CAV1: variants seen among roughly 807,000 people sequenced by gnomAD.
CAV1 encodes caveolin 1.
CAV1 carries 10 observed loss-of-function variants against 16.5 expected under a neutral mutation model. The ratio of observed to expected loss-of-function variants is 0.61; its 90% CI spans 0.37 to 1.03. The LOEUF is 1.03. Ranked by LOEUF, CAV1 falls within the 50% of genes least tolerant of loss-of-function variation. The pLI is 0.01. For missense variants in CAV1, 212 were observed against 232.8 expected (o/e 0.91, Z 0.58); for synonymous variants, 76 against 85.1 (o/e 0.89, Z 0.59).
chr7:116,555,560 GAAA>G lies in CAV1; in HGVS notation c.196-3385_196-3383del, dbSNP rs1562838458. 1.3e-3 allele frequency among the ~76,000 whole-genome samples: 62 copies of G among 46,068 alleles called. 2 individuals carry two copies. Among genetic ancestry groups the G allele is most frequent in the African/African-American group, 5.2e-3 (60 of 11,600 alleles). The allele number at this position is 46,068 out of a possible 152,430, so 30.2% of individuals were successfully genotyped here. On this transcript the variant is annotated intron_variant, in intron 2 of 2. Coordinates refer to ENST00000341049, the MANE Select transcript of CAV1 (RefSeq NM_001753.5). Reference sequence around the variant, plus strand: ...AGAGAGAGAGAAAGAAAGAAAGAAAGAAAGAAAGAAAGAAAGAAAGAAAGAAAG... The same window carrying G: ...AGAGAGAGAGAAAGAAAGAAAGAAAGGAAAGAAAGAAAGAAAGAAAGAAAG...
chr7:116,557,253 A>G (rs1437898496), intron 2 of CAV1, among the ~76,000 whole-genome samples: 1 of 152,228 alleles, frequency 6.6e-6, no homozygotes, highest in Non-Finnish European at 1.5e-5. Flanking sequence ...AGAATGTTCT[A>G]CAAAATAAAC....
intron 2 of CAV1, among the ~76,000 whole-genome samples, chr7:116,547,386 G>A (rs948303788): frequency 2.6e-5 from 4 of 152,128 alleles, no homozygotes; most frequent in African/African-American, 7.2e-5. Flanking sequence ...GGAGAAACCC[G>A]ATGGTTACCT....
intron 2 of CAV1, among the ~76,000 whole-genome samples, chr7:116,543,277 C>T (rs1206646037): frequency 6.6e-6 from 1 of 152,196 alleles, no homozygotes; most frequent in Non-Finnish European, 1.5e-5. Flanking sequence ...CACAAAGAGA[C>T]AGTGGAAGAC....
At chr7:116,535,836 G>A (rs1207678030) in intron 2 of CAV1, among the ~76,000 whole-genome samples, 1 of 152,128 alleles carries the variant, frequency 6.6e-6, no homozygotes, top group East Asian at 1.9e-4. Context: ...ACACAACCGA[G>A]TTTCCCTTTA....
rs753184173 is a variant in CAV1 at position 116,526,566 on chromosome 7, C to A, written c.72C>A (p.Ile24=). ...TTCCCATCCGGGAACAGGGCAACAT[C>A]TACAAGCCCAACAACAAGGCCATGG... ...YTVPIREQGN[I]YKPNNKAMAD... Residue 24 remains isoleucine (I), a synonymous_variant, in exon 2 of 3, where the codon ATC becomes ATA. Coordinates refer to ENST00000341049, the MANE Select transcript of CAV1 (RefSeq NM_001753.5). The A allele has an allele frequency of 4.3e-6, 7 of 1,614,200 alleles. No homozygotes were observed. In the Admixed American group the frequency reaches 8.3e-5, roughly 19 times the overall value.
intron 2 of CAV1, among the ~76,000 whole-genome samples, chr7:116,527,370 A>G (rs1234902284): frequency 6.6e-6 from 1 of 152,200 alleles, no homozygotes; most frequent in Non-Finnish European, 1.5e-5. Context: ...CTGCACTTAG[A>G]TGTGGAAAGC....
intron 2 of CAV1, among the ~76,000 whole-genome samples, chr7:116,540,838 A>C (rs1793920555): frequency 6.6e-6 from 1 of 152,240 alleles, no homozygotes; most frequent in Non-Finnish European, 1.5e-5. Flanking sequence ...ATACCAGGAT[A>C]GAGCTGTCAT....
intron 1 of CAV1, chr7:116,525,537 G>T: frequency 8.2e-7 from 1 of 1,225,352 alleles, no homozygotes; most frequent in Non-Finnish European, 1.0e-6. Context: ...GCCCAGACCG[G>T]CAGGTCCCGC....
intron 2 of CAV1, chr7:116,551,688 T>C (rs1438456331): frequency 6.6e-6 from 1 of 152,132 alleles, no homozygotes; most frequent in Non-Finnish European, 1.5e-5. Flanking sequence ...CAACAAACAT[T>C]GATCCTCCAC....
intron 2 of CAV1, among the ~76,000 whole-genome samples, chr7:116,550,586 C>G (rs1193515632): frequency 6.6e-6 from 1 of 152,156 alleles, no homozygotes; most frequent in African/African-American, 2.4e-5. Context: ...TTTAATTGTG[C>G]TATTTCTCAA....
At chr7:116,557,828 G>A (rs1291416727) in intron 2 of CAV1, among the ~76,000 whole-genome samples, 3 of 152,074 alleles carry the variant, frequency 2.0e-5, no homozygotes, top group Non-Finnish European at 4.4e-5. Flanking sequence ...GCATACGGTT[G>A]TCAAACTCAT....
intron 2 of CAV1, among the ~76,000 whole-genome samples, chr7:116,538,527 T>C (rs1382050323): frequency 6.6e-6 from 1 of 152,266 alleles, no homozygotes; most frequent in Non-Finnish European, 1.5e-5. Context: ...AGATCTCTCT[T>C]CCTTGCTTGT....
At chr7:116,555,506 A>AAG (rs369436058) in intron 2 of CAV1, among the ~76,000 whole-genome samples, 1 of 8,044 alleles carries the variant, frequency 1.2e-4, no homozygotes, top group Non-Finnish European at 2.2e-4. Flanking sequence ...GAAAGAAAGA[A>AAG]AGAAAGAAAG....
intron 2 of CAV1, among the ~76,000 whole-genome samples, chr7:116,533,842 T>C (rs939379760): frequency 5.3e-5 from 8 of 152,212 alleles, no homozygotes; most frequent in Non-Finnish European, 1.0e-4. Context: ...ATATATATTT[T>C]TAGGCAATTT....
At chr7:116,539,716 C>T (rs1257394659) in intron 2 of CAV1, among the ~76,000 whole-genome samples, 1 of 152,018 alleles carries the variant, frequency 6.6e-6, no homozygotes, top group Non-Finnish European at 1.5e-5. Context: ...CCTAAACCTT[C>T]CAGTAAGCAA....
chr7:116,530,962 T>C (rs1052833624), intron 2 of CAV1, among the ~76,000 whole-genome samples: 13 of 152,258 alleles, frequency 8.5e-5, no homozygotes, highest in Middle Eastern at 3.4e-3. Flanking sequence ...CAGATGTAAT[T>C]GCATCATGGT....
Position 116,530,856 on chromosome 7 carries a change from G to T in CAV1, c.195+4167G>T, listed in dbSNP as rs187776791. Among the ~76,000 whole-genome samples the T allele has an allele frequency of 1.0e-3, 152 of 152,324 alleles. 1 individual carries two copies. Among genetic ancestry groups the T allele is most frequent in the African/African-American group, 3.5e-3 (146 of 41,568 alleles). On this transcript the variant is annotated intron_variant, in intron 2 of 2. Coordinates refer to ENST00000341049, the MANE Select transcript of CAV1 (RefSeq NM_001753.5). ...CAGCCATAAATGACTGCAAGCATCGGTGTGGTATAATGAAGGTGACGTTTT... is the reference window on the plus strand; with the variant it reads ...CAGCCATAAATGACTGCAAGCATCGTTGTGGTATAATGAAGGTGACGTTTT...
At chr7:116,526,418 C>A (rs1032486628) in intron 1 of CAV1, 107 bp from the exon 2 acceptor site, 23 of 1,575,064 alleles carry the variant, frequency 1.5e-5, no homozygotes, top group African/African-American at 2.7e-5. Flanking sequence ...CGAGGTTTCC[C>A]CCGCCGCCAG....
rs1562829949 is a variant in CAV1 at position 116,534,383 on chromosome 7, A to T, written c.195+7694A>T. On this transcript the variant is annotated intron_variant, in intron 2 of 2. Transcript: ENST00000341049. ...CTCAGATATATATATATATATATAT[A>T]TATATATATATATTTTTTTTTTTTT... Among the ~76,000 whole-genome samples the T allele has an allele frequency of 3.7e-3, 36 of 9,688 alleles. 1 individual carries two copies. Among genetic ancestry groups the T allele is most frequent in the East Asian group, 0.019 (1 of 52 alleles). 6.4% of individuals were successfully genotyped at this position (9,688 alleles called of 152,430 possible). A position where few individuals can be genotyped will look rare whatever the true frequency, so the allele number is the denominator to read the frequency against.
Sources: gnomAD v4.1 joint callset for allele counts (sites outside exome capture counted in the v4.1 genomes callset) on GRCh38, gnomAD v4.1.1 for gene constraint, MANE v1.5 for transcripts, NCBI Gene and HGNC (gene_info 2026-07-23, HGNC 2026-07-21) for gene names.